The following GLMN variants were observed in gnomAD, a reference collection of about 807,000 sequenced individuals.
The protein encoded by GLMN is glomulin.
GLMN carries 75 observed loss-of-function variants against 87.8 expected under a neutral mutation model. The observed-to-expected ratio is 0.85, with a 90% confidence interval of 0.71 to 1.04. GLMN has a LOEUF of 1.04. GLMN is among the 50% of genes least tolerant of loss of function. GLMN has a pLI of 0.00. For synonymous variants in GLMN, 206 were observed against 221.6 expected, an observed-to-expected ratio of 0.93 and a Z score of 0.63; for missense variants, 588 against 658.8, an observed-to-expected ratio of 0.89 and a Z score of 1.18.
intron 16 of GLMN, among the ~76,000 whole-genome samples, chr1:92,252,409 TTAATA>T (rs1466817152): frequency 1.3e-5 from 2 of 151,974 alleles, no homozygotes; most frequent in East Asian, 3.9e-4. Flanking sequence ...GAAAAAAAAA[TTAATA>T]TAAATTTAAA....
chr1:92,271,585 G>A lies in GLMN; in HGVS notation c.803C>T (p.Thr268Ile), dbSNP rs761007741. 1 of 1,611,760 alleles carries A rather than the reference G, an allele frequency of 6.2e-7. No individual in the cohort carries two copies. Among genetic ancestry groups the A allele is most frequent in the Non-Finnish European group, 8.5e-7 (1 of 1,178,206 alleles). Residue 268 changes from threonine to isoleucine, a missense_variant, in exon 8 of 19, where the codon ACT (threonine) becomes ATT (isoleucine). By Grantham distance (89) the Thr-to-Ile change is moderately conservative. Transcript: ENST00000370360. ...TTCTTCAAATTCAAGGTAATTCCAAGTTCTCTTTTTCCTTCCATGATTAAA... is the reference window on the plus strand; with the variant it reads ...TTCTTCAAATTCAAGGTAATTCCAAATTCTCTTTTTCCTTCCATGATTAAA... The part of the protein sequence containing the change: ...MIFNHGRKKR[T>I]WNYLEFEEEE...
chr1:92,334,089 T>C, the GLMN span, among the ~76,000 whole-genome samples: 4 of 152,236 alleles, frequency 2.6e-5, no homozygotes, highest in African/African-American at 9.6e-5. Context: ...GTTGAACTTT[T>C]CAACCTGCAT....
At chr1:92,369,054 C>T in the GLMN span, among the ~76,000 whole-genome samples, 3 of 152,112 alleles carry the variant, frequency 2.0e-5, no homozygotes, top group African/African-American at 7.2e-5. Flanking sequence ...TGTGTTAAGC[C>T]ATCTTAAGTG....
chr1:92,323,829 C>T, the GLMN span: 2 of 1,614,016 alleles, frequency 1.2e-6, no homozygotes, highest in South Asian at 1.1e-5. Context: ...CTTCAAATAG[C>T]ACTTTGCCTG....
the GLMN span, among the ~76,000 whole-genome samples, chr1:92,312,878 G>A: frequency 6.6e-6 from 1 of 151,118 alleles, no homozygotes. Context: ...CTGGAGTGCA[G>A]TGGCGCGATC....
At chr1:92,263,416 G>A (rs1399394873) in intron 15 of GLMN, among the ~76,000 whole-genome samples, 1 of 152,174 alleles carries the variant, frequency 6.6e-6, no homozygotes, top group Non-Finnish European at 1.5e-5. Context: ...CATAGTGCTG[G>A]TCATTCATCT....
At chr1:92,259,610 CTAAT>C (rs1172926540) in intron 16 of GLMN, among the ~76,000 whole-genome samples, 1 of 151,996 alleles carries the variant, frequency 6.6e-6, no homozygotes, top group Non-Finnish European at 1.5e-5. Flanking sequence ...TTTCATCTGA[CTAAT>C]TACCCTCTTA....
At chr1:92,348,356 AC>A in the GLMN span, among the ~76,000 whole-genome samples, 1 of 152,154 alleles carries the variant, frequency 6.6e-6, no homozygotes, top group Non-Finnish European at 1.5e-5. Flanking sequence ...GTTAGGGGAA[AC>A]CCTTTTAGCT....
the GLMN span, among the ~76,000 whole-genome samples, chr1:92,357,752 G>A: frequency 6.6e-6 from 1 of 152,186 alleles, no homozygotes; most frequent in Non-Finnish European, 1.5e-5. Flanking sequence ...GGCTGGTCTC[G>A]AACTCTTGGC....
chr1:92,305,303 G>A, the GLMN span, among the ~76,000 whole-genome samples: 1 of 150,756 alleles, frequency 6.6e-6, no homozygotes, highest in Non-Finnish European at 1.5e-5. Context: ...CGTGATGGCG[G>A]GCGCCTGTAG....
At chr1:92,298,410 GA>G (rs1335764249) in intron 1 of GLMN, among the ~76,000 whole-genome samples, 1 of 151,874 alleles carries the variant, frequency 6.6e-6, no homozygotes, top group East Asian at 1.9e-4. Flanking sequence ...CTTCTTTTCT[GA>G]AAAAAAATTT....
intron 7 of GLMN, among the ~76,000 whole-genome samples, chr1:92,278,587 A>T (rs1647583571): frequency 6.6e-6 from 1 of 152,060 alleles, no homozygotes; most frequent in Non-Finnish European, 1.5e-5. Context: ...CCTTCAAAAG[A>T]CTACTGTATT....
At chr1:92,307,505 A>T in the GLMN span, among the ~76,000 whole-genome samples, 1 of 152,208 alleles carries the variant, frequency 6.6e-6, no homozygotes, top group African/African-American at 2.4e-5. Context: ...TTTAATTGCA[A>T]AATCAGAACT....
chr1:92,369,193 A>C, the GLMN span, among the ~76,000 whole-genome samples: 1 of 152,214 alleles, frequency 6.6e-6, no homozygotes, highest in East Asian at 1.9e-4. Flanking sequence ...TTCCTGCATA[A>C]AACACATTAA....
chr1:92,323,704 G>C, the GLMN span: 1 of 1,614,038 alleles, frequency 6.2e-7, no homozygotes, highest in African/African-American at 1.3e-5. Flanking sequence ...CAAACACAAA[G>C]ACAAAGAACA....
chr1:92,329,940 A>C, the GLMN span, among the ~76,000 whole-genome samples: 900 of 152,304 alleles, frequency 5.9e-3, 8 homozygotes, highest in African/African-American at 0.019. Flanking sequence ...CAAAGCGTGA[A>C]AATGTGGTCA....
intron 16 of GLMN, among the ~76,000 whole-genome samples, chr1:92,253,621 G>A (rs1653823565): frequency 6.6e-6 from 1 of 152,164 alleles, no homozygotes; most frequent in Non-Finnish European, 1.5e-5. Context: ...TGATACCCGG[G>A]CAAACAGGGT....
chr1:92,339,340 A>G, the GLMN span, among the ~76,000 whole-genome samples: 2 of 39,512 alleles, frequency 5.1e-5, no homozygotes, highest in East Asian at 5.3e-4. Flanking sequence ...CCGCCCCCCA[A>G]TCCCCCAAGG....
intron 5 of GLMN, among the ~76,000 whole-genome samples, chr1:92,289,358 G>C (rs1480515909): frequency 6.6e-6 from 1 of 152,102 alleles, no homozygotes; most frequent in Non-Finnish European, 1.5e-5. Context: ...TGCTGTTTAG[G>C]TTATGTTTAT....
Sources: gnomAD v4.1 joint callset for allele counts (sites outside exome capture counted in the v4.1 genomes callset) on GRCh38, gnomAD v4.1.1 for gene constraint, MANE v1.5 for transcripts, NCBI Gene and HGNC (gene_info 2026-07-23, HGNC 2026-07-21) for gene names.